Variants in GCNT1 observed in about 807,000 individuals in gnomAD.
The protein encoded by GCNT1 is glucosaminyl (N-acetyl) transferase 1, also known as beta-1,3-galactosyl-O-glycosyl-glycoprotein beta-1,6-N-acetylglucosaminyltransferase.
A neutral mutation model predicts 26.2 loss-of-function variants in GCNT1; 16 were observed. That is an observed-to-expected ratio of 0.61 (90% CI 0.41 to 0.93). The LOEUF (loss-of-function observed/expected upper bound fraction) is 0.93, where lower values mean the gene tolerates loss of function less well. GCNT1 is among the 40% of genes least tolerant of loss of function. GCNT1 has a pLI of 0.00. For synonymous variants in GCNT1, 183 were observed against 190.8 expected (o/e 0.96, Z 0.34); for missense variants, 477 against 526.7 (o/e 0.91, Z 0.92).
intron 1 of GCNT1, among the ~76,000 whole-genome samples, chr9:76,453,546 T>C (rs979704046): frequency 2.0e-5 from 3 of 152,114 alleles, no homozygotes; most frequent in African/African-American, 4.8e-5. Flanking sequence ...GGGCATCTGA[T>C]AGAGTGAGAG....
chr9:76,416,121 C>A (rs909857092), upstream of GCNT1, among the ~76,000 whole-genome samples: 1 of 152,112 alleles, frequency 6.6e-6, no homozygotes, highest in African/African-American at 2.4e-5. Flanking sequence ...TCATACCCCC[C>A]ATCCCATACC....
chr9:76,408,119 A>T, the GCNT1 span, among the ~76,000 whole-genome samples: 1 of 152,212 alleles, frequency 6.6e-6, no homozygotes, highest in African/African-American at 2.4e-5. Context: ...CATACCTTTT[A>T]TTTCTGTTTC....
At chr9:76,416,481 A>G (rs1227200317), upstream of GCNT1, among the ~76,000 whole-genome samples, 1 of 152,242 alleles carries the variant, frequency 6.6e-6, no homozygotes, top group Non-Finnish European at 1.5e-5. Flanking sequence ...AACTGCTAAA[A>G]GAGCATTAAT....
chr9:76,478,251 C>T (rs7032475), intron 2 of GCNT1, among the ~76,000 whole-genome samples: 5,718 of 152,206 alleles, frequency 0.038, 344 homozygotes, highest in African/African-American at 0.13. Context: ...TCTTTGCGTC[C>T]GCACTACCTT....
chr9:76,467,044 C>CTT (rs368874355), intron 2 of GCNT1, among the ~76,000 whole-genome samples: 9 of 146,904 alleles, frequency 6.1e-5, no homozygotes, highest in Non-Finnish European at 9.0e-5. Context: ...CTCAGCTGAT[C>CTT]TTTTTTTTTT....
At chr9:76,461,923 T>G (rs1477580042) in intron 2 of GCNT1, among the ~76,000 whole-genome samples, 1 of 152,178 alleles carries the variant, frequency 6.6e-6, no homozygotes, top group Non-Finnish European at 1.5e-5. Context: ...AAATCAAATT[T>G]GTTTCATGCA....
rs1026215711 is a variant in GCNT1 at position 76,507,173 on chromosome 9, TTGTA to T, written c.*3508_*3511del. 1.2e-5 allele frequency: 2 copies of T among 167,030 alleles called. No homozygotes were observed. The highest frequency in any genetic ancestry group is 2.4e-5 in the African/African-American group (1 of 41,460). The allele number at this position is 167,030 out of a possible 1,614,324, so 10.3% of individuals were successfully genotyped here. On this transcript the variant is annotated 3_prime_UTR_variant, in exon 4 of 4. Transcript: ENST00000376730. Reference sequence around the variant, plus strand: ...CTGTTGTGAAAGTGAAAAACAATGATTGTATGGGTACTCAAAGTATAATTTCTAC... The same window carrying T: ...CTGTTGTGAAAGTGAAAAACAATGATTGGGTACTCAAAGTATAATTTCTAC...
At chr9:76,494,810 A>T (rs1824857051) in intron 2 of GCNT1, among the ~76,000 whole-genome samples, 1 of 152,064 alleles carries the variant, frequency 6.6e-6, no homozygotes, top group African/African-American at 2.4e-5. Context: ...GGGTGATATG[A>T]CTTGGAGGAG....
chr9:76,438,511 A>G (rs974659021), upstream of GCNT1, among the ~76,000 whole-genome samples: 5 of 152,164 alleles, frequency 3.3e-5, no homozygotes, highest in Non-Finnish European at 5.9e-5. Flanking sequence ...GAAGGGGTAT[A>G]ATGAGGCATA....
At chr9:76,399,158 ATGCGCTATG>A in the GCNT1 span, 15 of 1,480,986 alleles carry the variant, frequency 1.0e-5, no homozygotes, top group Middle Eastern at 6.2e-4. Context: ...AGATTCTCCT[ATGCGCTATG>A]TGGACATTGC....
At chr9:76,449,969 C>T (rs145442587) in intron 1 of GCNT1, among the ~76,000 whole-genome samples, 167 of 152,160 alleles carry the variant, frequency 1.1e-3, no homozygotes, top group Non-Finnish European at 2.0e-3. Context: ...GACAGGTTTT[C>T]GCCGTTTTGG....
chr9:76,393,942 C>T, the GCNT1 span: 1 of 716,788 alleles, frequency 1.4e-6, no homozygotes, highest in East Asian at 3.1e-5. Context: ...CGGTCCTCCG[C>T]CACAGACAAG....
chr9:76,413,643 G>GT, the GCNT1 span, among the ~76,000 whole-genome samples: 1 of 59,234 alleles, frequency 1.7e-5, no homozygotes. Context: ...GGTTTTTTTT[G>GT]TTTTGTTTTG....
the GCNT1 span, among the ~76,000 whole-genome samples, chr9:76,404,991 T>C: frequency 6.6e-6 from 1 of 151,894 alleles, no homozygotes; most frequent in Admixed American, 6.6e-5. Context: ...CTAATTTTTG[T>C]ATCTTTTTCT....
At chr9:76,452,224 C>A (rs1209503270) in intron 1 of GCNT1, among the ~76,000 whole-genome samples, 1 of 152,148 alleles carries the variant, frequency 6.6e-6, no homozygotes, top group Admixed American at 6.5e-5. Flanking sequence ...CCACCTTGGC[C>A]TCCCAAAGTG....
intron 2 of GCNT1, among the ~76,000 whole-genome samples, chr9:76,497,553 G>T (rs527745321): frequency 1.3e-5 from 2 of 152,288 alleles, no homozygotes; most frequent in African/African-American, 4.8e-5. Context: ...CCCAAAACTA[G>T]TGATTTTACG....
chr9:76,453,550 G>A (rs892017528), intron 1 of GCNT1, among the ~76,000 whole-genome samples: 1 of 152,172 alleles, frequency 6.6e-6, no homozygotes, highest in African/African-American at 2.4e-5. Context: ...ATCTGATAGA[G>A]TGAGAGTTAC....
At chr9:76,407,274 G>A in the GCNT1 span, among the ~76,000 whole-genome samples, 1 of 150,770 alleles carries the variant, frequency 6.6e-6, no homozygotes, top group African/African-American at 2.4e-5. Flanking sequence ...TTCTCATTTT[G>A]AACTAATTTT....
chr9:76,503,625 A>G lies in GCNT1; in HGVS notation c.1244A>G (p.Asp415Gly). Residue 415 changes from aspartate to glycine, a missense_variant, in exon 4 of 4, where the codon GAT becomes GGT. Coordinates refer to ENST00000376730, the MANE Select transcript of GCNT1 (RefSeq NM_001490.5). ...DVDLFAIQCL[D>G]EHLRHKALET... ...GACCTCTTTGCCATCCAGTGTTTGG[A>G]TGAGCATTTGAGACACAAAGCTTTG... 1 of 1,614,102 alleles carries G rather than the reference A, an allele frequency of 6.2e-7. No individual in the cohort carries two copies. Among genetic ancestry groups the G allele is most frequent in the South Asian group, 1.1e-5 (1 of 91,088 alleles).
Sources: allele counts gnomAD v4.1 joint callset (sites outside exome capture counted in the v4.1 genomes callset), GRCh38; gene constraint gnomAD v4.1.1; transcripts MANE v1.5; gene names NCBI Gene and HGNC (gene_info 2026-07-23, HGNC 2026-07-21).